CCL28: variants seen among roughly 807,000 people sequenced by gnomAD.
CCL28 encodes the protein C-C motif chemokine 28.
Under a neutral mutation model 7.1 loss-of-function variants are expected in CCL28, and 4 were observed. The observed-to-expected ratio is 0.56, with a 90% CI of 0.28 to 1.29. CCL28 has a LOEUF of 1.29. Ranked by LOEUF, CCL28 falls within the 50% of genes most tolerant of loss-of-function variation. The probability of loss-of-function intolerance (pLI) is 0.11; values close to 1 mark genes in which losing one functional copy is unlikely to be tolerated. For missense variants in CCL28, 151 were observed against 163.4 expected (o/e 0.92, Z 0.41); for synonymous variants, 55 against 57.8 (o/e 0.95, Z 0.22).
chr5:43,360,819 A>G, the CCL28 span, among the ~76,000 whole-genome samples: 1 of 151,594 alleles, frequency 6.6e-6, no homozygotes, highest in African/African-American at 2.4e-5. Context: ...TGGATATGAG[A>G]CCTTTTTTTC....
downstream of CCL28, among the ~76,000 whole-genome samples, chr5:43,375,127 T>A (rs1739860738): frequency 6.6e-6 from 1 of 151,662 alleles, no homozygotes; most frequent in African/African-American, 2.4e-5. Flanking sequence ...GTAGCTGGGA[T>A]TACAGGTGCC....
chr5:43,386,632 A>G (rs1045906526), intron 2 of CCL28, among the ~76,000 whole-genome samples: 1 of 152,218 alleles, frequency 6.6e-6, no homozygotes, highest in African/African-American at 2.4e-5. Context: ...AAACCTATGG[A>G]CCCTCTAAAA....
chr5:43,387,031 G>C (rs1435708183), intron 2 of CCL28, among the ~76,000 whole-genome samples: 2 of 152,194 alleles, frequency 1.3e-5, no homozygotes, highest in Non-Finnish European at 2.9e-5. Flanking sequence ...CAGGAGCTCA[G>C]GCATAAGCAA....
At chr5:43,373,293 C>A (rs182892348), downstream of CCL28, among the ~76,000 whole-genome samples, 20 of 151,898 alleles carry the variant, frequency 1.3e-4, no homozygotes, top group Non-Finnish European at 2.8e-4. Context: ...TCCTTACTAA[C>A]GCTTGATTTT....
intron 1 of CCL28, among the ~76,000 whole-genome samples, chr5:43,408,431 T>C (rs186049904): frequency 6.6e-6 from 1 of 152,230 alleles, no homozygotes; most frequent in Admixed American, 6.5e-5. Flanking sequence ...TAGGTGGGAA[T>C]TGAACAGTGA....
chr5:43,399,504 C>T (rs186699262), intron 1 of CCL28, among the ~76,000 whole-genome samples: 12 of 152,326 alleles, frequency 7.9e-5, no homozygotes, highest in Non-Finnish European at 1.5e-4. Context: ...TAACCCCCCA[C>T]CACATAGCAC....
chr5:43,395,795 AT>A (rs1271703265), intron 1 of CCL28, among the ~76,000 whole-genome samples: 1 of 145,420 alleles, frequency 6.9e-6, no homozygotes, highest in Admixed American at 6.8e-5. Flanking sequence ...GCCCATTTTT[AT>A]GGTTATTTCT....
rs1309836254 is a variant in CCL28, at chr5:43,380,963, T to G, written c.*897A>C. The G allele has an allele frequency of 6.6e-6, 1 of 152,112 alleles. No individual in the cohort carries two copies. Among genetic ancestry groups the G allele is most frequent in the East Asian group, 1.9e-4 (1 of 5,196 alleles). 9.4% of individuals were successfully genotyped at this position (152,112 alleles called of 1,614,324 possible). A position where few individuals can be genotyped will look rare whatever the true frequency, so the allele number is the denominator to read the frequency against. Reference sequence around the variant, plus strand: ...CTACATAAAATGCTCTCTAAATAGTTGGGAAAATTTGAATATGGAATATAT... The same window carrying G: ...CTACATAAAATGCTCTCTAAATAGTGGGGAAAATTTGAATATGGAATATAT... On this transcript the variant is annotated 3_prime_UTR_variant, in exon 3 of 3. Transcript: ENST00000361115.
At chr5:43,384,642 C>T (rs1740261892) in intron 2 of CCL28, among the ~76,000 whole-genome samples, 1 of 147,384 alleles carries the variant, frequency 6.8e-6, no homozygotes, top group African/African-American at 2.5e-5. Flanking sequence ...GCCAATCCCC[C>T]TTTTTTTTTT....
chr5:43,412,351 A>T lies in CCL28; in HGVS notation c.-35T>A. ...CCCTACTGGCACTGACAGCAACACA[A>T]GTGAGGCTGTTCGATCAGGAAATGA... On this transcript the variant is annotated 5_prime_UTR_variant, in exon 1 of 3. It adds an upstream start codon to the 5' untranslated region. Transcript: ENST00000361115. 1.3e-6 allele frequency: 2 copies of T among 1,586,590 alleles called. No homozygotes were observed. The highest frequency in any genetic ancestry group is 1.7e-6 in the Non-Finnish European group (2 of 1,158,320).
At position 43,379,808 on chromosome 5, in the gene CCL28, A is replaced by G. The variant is rs1381402805; in HGVS notation, c.*2052T>C. The stretch of plus-strand genomic sequence containing the variant: ...GGACAAAAAAGAGGCCAAAAGAGGA[A>G]TGGCACAATGGTATCAACTCAAACG... On this transcript the variant is annotated 3_prime_UTR_variant, in exon 3 of 3. Transcript: ENST00000361115. 1 of 152,190 alleles carries G rather than the reference A, an allele frequency of 6.6e-6. No homozygotes were observed. The highest frequency in any genetic ancestry group is 1.5e-5 in the Non-Finnish European group (1 of 68,036). 9.4% of individuals were successfully genotyped at this position (152,190 alleles called of 1,614,324 possible).
downstream of CCL28, among the ~76,000 whole-genome samples, chr5:43,374,831 T>A (rs7727047): frequency 6.6e-6 from 1 of 150,668 alleles, no homozygotes; most frequent in Non-Finnish European, 1.5e-5. Flanking sequence ...GTACTAATAC[T>A]ACATTTAGGT....
chr5:43,404,222 T>G (rs1013187330), intron 1 of CCL28, among the ~76,000 whole-genome samples: 4 of 152,040 alleles, frequency 2.6e-5, no homozygotes, highest in Non-Finnish European at 5.9e-5. Context: ...TCACCAAAGT[T>G]GAAATGAAGG....
chr5:43,358,511 A>G, the CCL28 span, among the ~76,000 whole-genome samples: 2 of 152,326 alleles, frequency 1.3e-5, no homozygotes, highest in East Asian at 3.9e-4. Context: ...TAAACAACTT[A>G]GTTTCCGTTT....
At chr5:43,383,107 T>C (rs1186452505) in intron 2 of CCL28, among the ~76,000 whole-genome samples, 1 of 152,158 alleles carries the variant, frequency 6.6e-6, no homozygotes, top group African/African-American at 2.4e-5. Context: ...CATGAGCCAC[T>C]GCACCTGGCT....
intron 1 of CCL28, among the ~76,000 whole-genome samples, chr5:43,389,807 C>T (rs530505242): frequency 1.4e-4 from 21 of 152,190 alleles, no homozygotes; most frequent in Non-Finnish European, 4.4e-5. Flanking sequence ...TTAGTAGGTG[C>T]AACTAGTGCC....
At chr5:43,361,557 C>A in the CCL28 span, among the ~76,000 whole-genome samples, 2 of 152,134 alleles carry the variant, frequency 1.3e-5, no homozygotes, top group Non-Finnish European at 2.9e-5. Context: ...ATCATCAAAT[C>A]TTTGCCAGGT....
Position 43,412,321 on chromosome 5 carries a change from G to A in CCL28, c.-5C>T, listed in dbSNP as rs753785085. The A allele has an allele frequency of 6.2e-7, 1 of 1,611,654 alleles. No individual in the cohort carries two copies. ...GGCGAGTCCTCTCTGCTGCATTCCT[G>A]CCTGCCCTACTGGCACTGACAGCAA... On this transcript the variant is annotated 5_prime_UTR_variant, in exon 1 of 3. Transcript: ENST00000361115.
intron 1 of CCL28, among the ~76,000 whole-genome samples, chr5:43,404,837 CA>C (rs1293862236): frequency 1.3e-5 from 2 of 151,106 alleles, no homozygotes; most frequent in Non-Finnish European, 1.5e-5. Flanking sequence ...AAATGGAAAA[CA>C]AAAAAAACAG....
Sources: gnomAD v4.1 joint callset for allele counts (sites outside exome capture counted in the v4.1 genomes callset) on GRCh38, gnomAD v4.1.1 for gene constraint, MANE v1.5 for transcripts, NCBI Gene and HGNC (gene_info 2026-07-23, HGNC 2026-07-21) for gene names.